SEPTIN9: variants seen among roughly 807,000 people sequenced by gnomAD.
The protein encoded by SEPTIN9 is septin-9.
In SEPTIN9, 13 loss-of-function variants were observed where a neutral mutation model predicts 56.6. The observed-to-expected ratio is 0.23, with a 90% CI of 0.15 to 0.37. SEPTIN9 has a LOEUF of 0.37. SEPTIN9 is among the 10% of genes least tolerant of loss of function. The pLI, the probability that SEPTIN9 is intolerant of heterozygous loss-of-function variation, is 1.00. For missense variants in SEPTIN9, 650 were observed against 823.1 expected (o/e 0.79, Z 2.57); for synonymous variants, 332 against 334.1 (o/e 0.99, Z 0.07).
intron 7 of SEPTIN9, among the ~76,000 whole-genome samples, chr17:77,489,429 G>A (rs2039933591): frequency 6.6e-6 from 1 of 152,150 alleles, no homozygotes; most frequent in South Asian, 2.1e-4. Flanking sequence ...ACCCTGGCAG[G>A]TGGACTCTTC....
intron 4 of SEPTIN9, chr17:77,482,815 C>A: frequency 1.9e-6 from 1 of 526,190 alleles, no homozygotes; most frequent in Non-Finnish European, 3.4e-6. Flanking sequence ...CCCCGGAGAG[C>A]TGGAGGTCAC....
intron 2 of SEPTIN9, among the ~76,000 whole-genome samples, chr17:77,340,243 C>T (rs1467350327): frequency 1.3e-5 from 2 of 150,398 alleles, no homozygotes; most frequent in African/African-American, 2.4e-5. Flanking sequence ...TGGGCTCAAG[C>T]GGTTCTCCTG....
chr17:77,479,969 C>G (rs1004134696), intron 3 of SEPTIN9, among the ~76,000 whole-genome samples: 1 of 152,158 alleles, frequency 6.6e-6, no homozygotes, highest in Admixed American at 6.5e-5. Flanking sequence ...AGGGCTGTGT[C>G]TTTGTTTATT....
chr17:77,407,746 C>T (rs891751183), intron 3 of SEPTIN9, among the ~76,000 whole-genome samples: 21 of 152,244 alleles, frequency 1.4e-4, no homozygotes, highest in Non-Finnish European at 2.4e-4. Context: ...TCTGGCCCTG[C>T]CCCTGGACTT....
At chr17:77,324,018 C>T (rs1018115848) in intron 2 of SEPTIN9, among the ~76,000 whole-genome samples, 3 of 152,228 alleles carry the variant, frequency 2.0e-5, no homozygotes, top group African/African-American at 4.8e-5. Flanking sequence ...CCGGAGGCTC[C>T]GAGGGGGAGC....
At chr17:77,471,044 C>T (rs1450788702) in intron 3 of SEPTIN9, 2 of 152,290 alleles carry the variant, frequency 1.3e-5, no homozygotes, top group Non-Finnish European at 2.9e-5. Flanking sequence ...GGGGCAGGGC[C>T]TGGAGACGGG....
At chr17:77,468,273 C>A (rs1172890304) in intron 3 of SEPTIN9, among the ~76,000 whole-genome samples, 1 of 151,870 alleles carries the variant, frequency 6.6e-6, no homozygotes, top group Middle Eastern at 3.4e-3. Context: ...TCAAAAAAAA[C>A]AAAACAAAAC....
chr17:77,293,600 G>T (rs983611237), intron 1 of SEPTIN9, among the ~76,000 whole-genome samples: 16 of 152,142 alleles, frequency 1.1e-4, no homozygotes, highest in African/African-American at 3.6e-4. Context: ...GCCCTCTAAA[G>T]GTATGGATGC....
chr17:77,373,704 C>G, intron 2 of SEPTIN9: 1 of 1,346,848 alleles, frequency 7.4e-7, no homozygotes, highest in Non-Finnish European at 9.6e-7. Context: ...CTGAGAGCGC[C>G]GCGCGCCCCC....
intron 3 of SEPTIN9, among the ~76,000 whole-genome samples, chr17:77,466,881 C>T (rs1292246099): frequency 1.3e-5 from 2 of 152,100 alleles, no homozygotes; most frequent in Non-Finnish European, 2.9e-5. Flanking sequence ...CGCACAGCAC[C>T]GGTCAGCCCT....
chr17:77,421,620 G>A lies in SEPTIN9; in HGVS notation c.721+18917G>A, dbSNP rs749539499. Among the ~76,000 whole-genome samples the A allele has an allele frequency of 6.6e-6, 1 of 152,158 alleles. No individual in the cohort carries two copies. Among genetic ancestry groups the A allele is most frequent in the Non-Finnish European group, 1.5e-5 (1 of 68,030 alleles). On this transcript the variant is annotated intron_variant, in intron 3 of 11. Coordinates refer to ENST00000427177, the MANE Select transcript of SEPTIN9 (RefSeq NM_001113491.2). The surrounding 1 kb of genome is among the most constrained non-coding windows in gnomAD (Gnocchi z 4.6). ...CTCTGCGTGTACAGGGATGGCTTTT[G>A]GGCCATTCACCTGAGGTTTATTGAT...
intron 1 of SEPTIN9, among the ~76,000 whole-genome samples, chr17:77,282,826 C>T (rs2031092554): frequency 6.6e-6 from 1 of 152,220 alleles, no homozygotes; most frequent in African/African-American, 2.4e-5. Context: ...GGGGCTTCCT[C>T]CCCAACATGC....
At chr17:77,463,701 G>C (rs1476486865) in intron 3 of SEPTIN9, among the ~76,000 whole-genome samples, 2 of 152,020 alleles carry the variant, frequency 1.3e-5, no homozygotes, top group Non-Finnish European at 2.9e-5. Context: ...AAATTAGCCA[G>C]GCGTGGTGGT....
At position 77,453,781 on chromosome 17, in the gene SEPTIN9, A is replaced by C. The variant is rs1339274979; in HGVS notation, c.722-28363A>C. ...CCTCCTGGGCCACCGTATTCTCCCA[A>C]CTTCCTGTTGTGCCACGGCTGGTCC... is the stretch of plus-strand genomic sequence containing the variant. On this transcript the variant is annotated intron_variant, in intron 3 of 11. Coordinates refer to ENST00000427177, the MANE Select transcript of SEPTIN9 (RefSeq NM_001113491.2). This position sits in a 1 kb window ranked among gnomAD's most constrained non-coding sequence, Gnocchi z 4.4. 6.6e-6 allele frequency: 1 copy of C among 152,486 alleles called. No individual in the cohort carries two copies. Among genetic ancestry groups the C allele is most frequent in the Non-Finnish European group, 1.5e-5 (1 of 68,368 alleles). The allele number at this position is 152,486 out of a possible 1,614,324, so 9.4% of individuals were successfully genotyped here. A position where few individuals can be genotyped will look rare whatever the true frequency, so the allele number is the denominator to read the frequency against.
rs1204992648 is a variant in SEPTIN9 at position 77,421,589 on chromosome 17, T to C, written c.721+18886T>C. On this transcript the variant is annotated intron_variant, in intron 3 of 11. Coordinates refer to ENST00000427177, the MANE Select transcript of SEPTIN9 (RefSeq NM_001113491.2). The surrounding 1 kb of genome is among the most constrained non-coding windows in gnomAD (Gnocchi z 4.6). ...GAGAAGGTATCCACATGTCCCAGAA[T>C]GCACCCTCTGCGTGTACAGGGATGG... Among the ~76,000 whole-genome samples, 1 of 152,222 alleles carries C rather than the reference T, an allele frequency of 6.6e-6. No individual in the cohort carries two copies. Among genetic ancestry groups the C allele is most frequent in the Non-Finnish European group, 1.5e-5 (1 of 68,036 alleles).
intron 2 of SEPTIN9, among the ~76,000 whole-genome samples, chr17:77,333,168 AGTG>A (rs1216762611): frequency 6.6e-6 from 1 of 152,220 alleles, no homozygotes; most frequent in Non-Finnish European, 1.5e-5. Context: ...GTGGGCGTGT[AGTG>A]GTATCATCTC....
At chr17:77,285,440 C>T (rs530072879) in intron 1 of SEPTIN9, among the ~76,000 whole-genome samples, 1 of 152,118 alleles carries the variant, frequency 6.6e-6, no homozygotes, top group Non-Finnish European at 1.5e-5. Context: ...CTCTGTTGCC[C>T]AGGCTGGAGT....
chr17:77,303,022 A>ACGC (rs1235240360), intron 1 of SEPTIN9, among the ~76,000 whole-genome samples: 3 of 151,310 alleles, frequency 2.0e-5, no homozygotes, highest in African/African-American at 7.3e-5. Context: ...TCTGCTTGGA[A>ACGC]CGCCGGCCCA....
intron 3 of SEPTIN9, among the ~76,000 whole-genome samples, chr17:77,431,202 A>G (rs2037119935): frequency 6.6e-6 from 1 of 152,176 alleles, no homozygotes; most frequent in South Asian, 2.1e-4. Flanking sequence ...CCAGCTCCTC[A>G]GGAGGCTCAG....
Sources: gnomAD v4.1 joint callset for allele counts (sites outside exome capture counted in the v4.1 genomes callset) on GRCh38, gnomAD v4.1.1 for gene constraint, Gnocchi (gnomAD v3.1) non-coding constraint, MANE v1.5 for transcripts, NCBI Gene and HGNC (gene_info 2026-07-23, HGNC 2026-07-21) for gene names.